The following MAP3K15 variants were observed in gnomAD, a reference collection of about 807,000 sequenced individuals.
The protein encoded by MAP3K15 is MAPK/ERK kinase kinase 15.
In MAP3K15, 124 loss-of-function variants were observed where a neutral mutation model predicts 99.5. The ratio of observed to expected loss-of-function variants is 1.25; its 90% CI spans 1.08 to 1.45. The LOEUF is 1.45. Among genes scored for constraint, MAP3K15 ranks in the 40% most tolerant of loss-of-function variants. The probability of loss-of-function intolerance (pLI) is 0.00; values close to 1 mark genes in which losing one functional copy is unlikely to be tolerated. For synonymous variants in MAP3K15, 494 were observed against 439.6 expected, an observed-to-expected ratio of 1.12 and a Z score of -1.55; for missense variants, 1,242 against 1,079.7, an observed-to-expected ratio of 1.15 and a Z score of -2.11.
chrX:19,435,558 C>G (rs907617838), intron 6 of MAP3K15, among the ~76,000 whole-genome samples: 4 of 111,992 alleles, frequency 3.6e-5, no homozygotes, highest in Non-Finnish European at 7.5e-5. Context: ...TTACTCAAAA[C>G]AAAAAGTCTT....
chrX:19,385,103 AAT>A (rs1844953221), intron 18 of MAP3K15, among the ~76,000 whole-genome samples: 1 of 111,679 alleles, frequency 9.0e-6, no homozygotes, highest in Admixed American at 9.6e-5. Context: ...TCAAACAACA[AAT>A]AGTTAGGTCT....
intron 3 of MAP3K15, among the ~76,000 whole-genome samples, chrX:19,485,888 A>G (rs1410991769): frequency 9.0e-6 from 1 of 111,336 alleles, no homozygotes; most frequent in Non-Finnish European, 1.9e-5. Context: ...CAAGGCCAAG[A>G]TCCTTTTAAA....
At chrX:19,422,432 GATC>G (rs1406238438) in intron 9 of MAP3K15, among the ~76,000 whole-genome samples, 1 of 111,487 alleles carries the variant, frequency 9.0e-6, no homozygotes, top group Non-Finnish European at 1.9e-5. Context: ...ATGAAAAAAT[GATC>G]ATCACTGGCC....
chrX:19,511,580 C>T (rs1472629821), intron 1 of MAP3K15, among the ~76,000 whole-genome samples: 1 of 112,087 alleles, frequency 8.9e-6, no homozygotes, highest in Non-Finnish European at 1.9e-5. Context: ...CCCATCAATA[C>T]TAGTCATTAG....
At chrX:19,405,212 T>C (rs1417737946) in intron 13 of MAP3K15, among the ~76,000 whole-genome samples, 1 of 111,505 alleles carries the variant, frequency 9.0e-6, no homozygotes, top group African/African-American at 3.3e-5. Flanking sequence ...CAATTATAAG[T>C]GGGCAAAGTT....
At chrX:19,438,242 C>G (rs149305554) in intron 6 of MAP3K15, among the ~76,000 whole-genome samples, 2,635 of 111,155 alleles carry the variant, frequency 0.024, 66 homozygotes, top group African/African-American at 0.081. Flanking sequence ...GCTGGGAATA[C>G]AGGCACGCAT....
intron 3 of MAP3K15, among the ~76,000 whole-genome samples, chrX:19,478,730 AGTTTTTTAATAACGT>A (rs1274910632): frequency 3.7e-4 from 37 of 98,673 alleles, no homozygotes; most frequent in African/African-American, 1.3e-3. Context: ...GAACCAGATT[AGTTTTTTAATAACGT>A]GTTTTTTAAT....
rs748075135 is a variant in MAP3K15 at position 19,371,407 on chromosome X, G to A, written c.3232C>T (p.Leu1078=). The A allele has an allele frequency of 1.7e-6, 2 of 1,211,175 alleles. No homozygotes were observed. Among genetic ancestry groups the A allele is most frequent in the South Asian group, 3.5e-5 (2 of 56,945 alleles). ...CTGATGGACGAGCTGTCAAAGTCCA[G>A]GTCCACCTTGAGCTTTGATATTGTG... is the stretch of plus-strand genomic sequence containing the variant. The part of the protein sequence containing the change: ...ATTISKLKVD[L]DFDSSSISQI... The change falls in exon 23 of 29, where the codon CTG becomes TTG. Residue 1078 remains leucine (L), a synonymous_variant. Coordinates refer to ENST00000338883, the MANE Select transcript of MAP3K15 (RefSeq NM_001001671.4).
intron 5 of MAP3K15, among the ~76,000 whole-genome samples, chrX:19,458,366 T>C (rs969643504): frequency 2.7e-5 from 3 of 112,430 alleles, no homozygotes; most frequent in African/African-American, 9.7e-5. Context: ...TTATCATCCC[T>C]AGTAGCAACT....
At chrX:19,497,572 A>C (rs1290807579) in intron 1 of MAP3K15, 1 of 111,875 alleles carries the variant, frequency 8.9e-6, no homozygotes, top group African/African-American at 3.2e-5. Context: ...TTCCAGCTCA[A>C]CCAAAATATT....
chrX:19,446,696 A>T (rs1056442176), intron 6 of MAP3K15, among the ~76,000 whole-genome samples: 13 of 110,412 alleles, frequency 1.2e-4, no homozygotes, highest in Admixed American at 2.9e-4. Flanking sequence ...TGGACTGTTC[A>T]CTGTAGTCAG....
chrX:19,435,636 A>G (rs1006804547), intron 6 of MAP3K15, among the ~76,000 whole-genome samples: 5 of 112,524 alleles, frequency 4.4e-5, no homozygotes, highest in African/African-American at 6.4e-5. Flanking sequence ...TCAGCTTAAA[A>G]GCCACTTTAA....
chrX:19,375,557 C>T (rs762688103), intron 19 of MAP3K15, among the ~76,000 whole-genome samples: 1 of 111,959 alleles, frequency 8.9e-6, no homozygotes, highest in South Asian at 3.7e-4. Flanking sequence ...GTAGGGTGGC[C>T]CTCTCATCTT....
chrX:19,467,804 G>A (rs2064179041), intron 3 of MAP3K15, among the ~76,000 whole-genome samples: 1 of 107,696 alleles, frequency 9.3e-6, no homozygotes, highest in Non-Finnish European at 1.9e-5. Context: ...ACTCCAACAT[G>A]GGCAACAGAG....
chrX:19,464,126 G>T, intron 4 of MAP3K15, 87 bp downstream of exon 4: 1 of 826,990 alleles, frequency 1.2e-6, no homozygotes, highest in East Asian at 3.2e-5. Flanking sequence ...CAGCAACTCT[G>T]TTCATTTGAA....
chrX:19,432,171 A>G (rs1366325020), intron 6 of MAP3K15, among the ~76,000 whole-genome samples: 1 of 110,732 alleles, frequency 9.0e-6, no homozygotes, highest in Admixed American at 9.8e-5. Flanking sequence ...AAATGAAAAA[A>G]TAAGTGAAGA....
intron 5 of MAP3K15, among the ~76,000 whole-genome samples, chrX:19,459,568 G>A (rs986652750): frequency 1.8e-5 from 2 of 112,485 alleles, no homozygotes; most frequent in African/African-American, 6.5e-5. Flanking sequence ...GGCCACCTCT[G>A]GCCGGGCACA....
chrX:19,484,969 C>T (rs1401318297), intron 3 of MAP3K15, among the ~76,000 whole-genome samples: 1 of 110,951 alleles, frequency 9.0e-6, no homozygotes, highest in East Asian at 2.8e-4. Context: ...GGCCTCAGGC[C>T]CAATCTCCTT....
intron 9 of MAP3K15, among the ~76,000 whole-genome samples, chrX:19,420,819 A>C (rs886422988): frequency 2.7e-5 from 3 of 111,958 alleles, no homozygotes; most frequent in Non-Finnish European, 5.6e-5. Context: ...GCAGCATATC[A>C]AAAGCTTATC....
Sources: allele counts gnomAD v4.1 joint callset (sites outside exome capture counted in the v4.1 genomes callset), GRCh38; gene constraint gnomAD v4.1.1; transcripts MANE v1.5; gene names NCBI Gene and HGNC (gene_info 2026-07-23, HGNC 2026-07-21).